DAGLB: variants seen among roughly 807,000 people sequenced by gnomAD.
DAGLB encodes diacylglycerol lipase-beta.
In DAGLB, 66 loss-of-function variants were observed where a neutral mutation model predicts 72.1. The ratio of observed to expected loss-of-function variants is 0.92; its 90% CI spans 0.75 to 1.12. DAGLB has a LOEUF of 1.12. DAGLB is among the 50% of genes most tolerant of loss of function. The pLI is 0.00. For missense variants in DAGLB, 1,065 were observed against 884.9 expected (o/e 1.20, Z -2.58); for synonymous variants, 414 against 359.5 (o/e 1.15, Z -1.71).
At position 6,446,072 on chromosome 7, in the gene DAGLB, T is replaced by C. The variant is rs770534367; in HGVS notation, c.128A>G (p.His43Arg). ...ACCAGCACAGTCCAGCTTTCCTCTG[T>C]GCATGAGATACAACGTCAGAATGCC... Reference protein sequence around the residue: ...WIGILTLYLMHRGKLDCAGGA... With the variant: ...WIGILTLYLMRRGKLDCAGGA... The change falls in exon 2 of 15, where the codon CAC (histidine) becomes CGC (arginine). Residue 43 changes from histidine (H) to arginine (R), a missense_variant. His to Arg is a conservative substitution (Grantham distance 29). Transcript: ENST00000297056. 6.2e-7 allele frequency: 1 copy of C among 1,602,008 alleles called. No individual in the cohort carries two copies.
chr7:6,410,796 C>G (rs1010501461), intron 13 of DAGLB, among the ~76,000 whole-genome samples: 16 of 152,290 alleles, frequency 1.1e-4, no homozygotes, highest in African/African-American at 3.8e-4. Context: ...AATCTGCCTC[C>G]CGAATTCAAG....
At chr7:6,412,389 C>CTGTT in intron 13 of DAGLB, among the ~76,000 whole-genome samples, 1 of 152,266 alleles carries the variant, frequency 6.6e-6, no homozygotes. Context: ...CATTAACAAA[C>CTGTT]TGTTAGTCAC....
chr7:6,411,346 C>T (rs1014201398), intron 13 of DAGLB, among the ~76,000 whole-genome samples: 4 of 152,076 alleles, frequency 2.6e-5, no homozygotes, highest in African/African-American at 9.7e-5. Flanking sequence ...AGGCTGGGCA[C>T]AGCAGTGGCT....
chr7:6,433,843 C>A (rs1248772139), intron 4 of DAGLB, among the ~76,000 whole-genome samples: 1 of 123,254 alleles, frequency 8.1e-6, no homozygotes. Context: ...CAAAACGAGA[C>A]CTTGTCTCAA....
At chr7:6,433,523 C>T (rs1449647891) in intron 4 of DAGLB, among the ~76,000 whole-genome samples, 2 of 152,124 alleles carry the variant, frequency 1.3e-5, no homozygotes, top group East Asian at 1.9e-4. Context: ...CAATCACCTC[C>T]GGGTACTTGT....
Position 6,436,393 on chromosome 7 carries a change from C to T in DAGLB, c.388G>A (p.Val130Ile). Reference sequence around the variant, plus strand: ...ACGACGGTTGCGATGATGCCGTTTACAACTGTCCTGTCGCACTGAACACCA... The same window carrying T: ...ACGACGGTTGCGATGATGCCGTTTATAACTGTCCTGTCGCACTGAACACCA... ...ADGVQCDRTVVNGIIATVVVS... is the reference protein window; with the variant it reads ...ADGVQCDRTVINGIIATVVVS... The change falls in exon 3 of 15, where the codon GTA (valine) becomes ATA (isoleucine). Residue 130 changes from valine to isoleucine, a missense_variant. By Grantham distance (29) the Val-to-Ile change is conservative. Coordinates refer to ENST00000297056, the MANE Select transcript of DAGLB (RefSeq NM_139179.4). The T allele has an allele frequency of 1.2e-6, 2 of 1,613,352 alleles. No individual in the cohort carries two copies. The highest frequency in any genetic ancestry group is 1.7e-5 in the Admixed American group (1 of 59,584).
intron 7 of DAGLB, among the ~76,000 whole-genome samples, chr7:6,425,036 A>G (rs913071344): frequency 6.6e-6 from 1 of 152,202 alleles, no homozygotes; most frequent in African/African-American, 2.4e-5. Context: ...GCTGCTCTAC[A>G]TGAAAAAGGA....
chr7:6,436,089 GAAA>G (rs59029211), intron 3 of DAGLB, among the ~76,000 whole-genome samples: 33 of 109,616 alleles, frequency 3.0e-4, no homozygotes, highest in African/African-American at 1.0e-3. Context: ...AAGAAAAAAA[GAAA>G]AAAAAAAAAG....
chr7:6,409,897 G>A lies in DAGLB; in HGVS notation c.1959C>T (p.Ser653=), dbSNP rs773617603. The A allele has an allele frequency of 1.4e-5, 23 of 1,613,948 alleles. No homozygotes were observed. The highest frequency in any genetic ancestry group is 2.2e-5 in the East Asian group (1 of 44,890). ...ILMRALDSVV[S]DRAACVSCPA... ...GACAGGAGACGCAGGCCGCTCTGTC[G>A]GAGACCACGCTGTCCAAGGCCCGCA... is the stretch of plus-strand genomic sequence containing the variant. The change falls in exon 15 of 15, where the codon TCC becomes TCT. Residue 653 remains serine (S), a synonymous_variant. Transcript: ENST00000297056.
rs200117635 is a variant in DAGLB, at chr7:6,436,461, G to A, written c.320C>T (p.Pro107Leu). Residue 107 changes from proline (P) to leucine (L), a missense_variant, in exon 3 of 15, where the codon CCA (proline) becomes CTA (leucine). By Grantham distance (98) the Pro-to-Leu change is moderately conservative. Transcript: ENST00000297056. Reference sequence around the variant, plus strand: ...CCCCAGAGAGGCCCAGACCATCTCTGGAAAAAACAGCGCCAGGCGGATGTA... The same window carrying A: ...CCCCAGAGAGGCCCAGACCATCTCTAGAAAAAACAGCGCCAGGCGGATGTA... ...LLYIRLALFFPEMVWASLGAA... is the reference protein window; with the variant it reads ...LLYIRLALFFLEMVWASLGAA... 2.9e-5 allele frequency: 47 copies of A among 1,613,950 alleles called. No homozygotes were observed. Among genetic ancestry groups the A allele is most frequent in the Non-Finnish European group, 3.7e-5 (44 of 1,179,982 alleles).
chr7:6,428,229 C>G (rs1177291251), intron 6 of DAGLB, among the ~76,000 whole-genome samples: 1 of 148,242 alleles, frequency 6.7e-6, no homozygotes, highest in Non-Finnish European at 1.5e-5. Flanking sequence ...GCCTGTAATC[C>G]CAGCTACTCG....
At chr7:6,435,785 G>A (rs1449421632) in intron 3 of DAGLB, among the ~76,000 whole-genome samples, 3 of 152,182 alleles carry the variant, frequency 2.0e-5, no homozygotes, top group Non-Finnish European at 4.4e-5. Context: ...ACCGGGAAAT[G>A]CCCCTCCCGA....
At chr7:6,428,315 C>CAAAAAAAAAAAAA (rs749361631) in intron 6 of DAGLB, among the ~76,000 whole-genome samples, 1 of 76,982 alleles carries the variant, frequency 1.3e-5, no homozygotes, top group Non-Finnish European at 2.6e-5. Context: ...GACTCTGTCT[C>CAAAAAAAAAAAAA]AAAAAAAAAA....
At chr7:6,424,613 G>C in intron 8 of DAGLB, 139 bp downstream of exon 8, 1 of 767,036 alleles carries the variant, frequency 1.3e-6, no homozygotes. Context: ...CCCAACCCCA[G>C]GCTCACATCC....
chr7:6,440,283 C>A lies in DAGLB; in HGVS notation c.248-3750G>T, dbSNP rs545839596. On this transcript the variant is annotated intron_variant, in intron 2 of 14. Coordinates refer to ENST00000297056, the MANE Select transcript of DAGLB (RefSeq NM_139179.4). ...CCTGTAATCCCAGCTACTTGGGAGGCTGAGGCAGGAGAATCACTTGAACCC... is the reference window on the plus strand; with the variant it reads ...CCTGTAATCCCAGCTACTTGGGAGGATGAGGCAGGAGAATCACTTGAACCC... Among the ~76,000 whole-genome samples the A allele has an allele frequency of 2.6e-5, 4 of 151,850 alleles. No individual in the cohort carries two copies. The South Asian group carries it at 6.2e-4, about 24-fold the overall frequency.
At chr7:6,418,728 G>C (rs188328442) in intron 9 of DAGLB, among the ~76,000 whole-genome samples, 3 of 151,436 alleles carry the variant, frequency 2.0e-5, no homozygotes, top group African/African-American at 7.3e-5. Context: ...TCAGTGGCTC[G>C]ATCTCGGCTC....
In DAGLB at chr7:6,445,952, C is replaced by T. The variant is rs1286760821; in HGVS notation, c.247+1G>A. On this transcript the variant is annotated splice_donor_variant, in intron 2 of 14. Transcript: ENST00000297056. LOFTEE classifies it high-confidence loss of function. ...ATCAAATAGAAAAGGCTACTTTTTA[C>T]CTCTCATGCTGACACACATGATGGC... 5.1e-6 allele frequency: 8 copies of T among 1,582,762 alleles called. No individual in the cohort carries two copies. The highest frequency in any genetic ancestry group is 6.0e-6 in the Non-Finnish European group (7 of 1,168,024).
chr7:6,409,616 G>T lies in DAGLB; in HGVS notation c.*221C>A. 1.7e-6 allele frequency: 1 copy of T among 601,486 alleles called. No individual in the cohort carries two copies. Among genetic ancestry groups the T allele is most frequent in the South Asian group, 2.0e-5 (1 of 49,470 alleles). The allele number at this position is 601,486 out of a possible 1,614,324, so 37.3% of individuals were successfully genotyped here. On this transcript the variant is annotated 3_prime_UTR_variant, in exon 15 of 15. Coordinates refer to ENST00000297056, the MANE Select transcript of DAGLB (RefSeq NM_139179.4). ...TCTCCACGGTCGCTGGGTCTCAGGAGTCGTCCTATCACCTGAGCGTGCTCA... is the reference window on the plus strand; with the variant it reads ...TCTCCACGGTCGCTGGGTCTCAGGATTCGTCCTATCACCTGAGCGTGCTCA...
rs1330134742 is a variant in DAGLB at position 6,446,033 on chromosome 7, C to T, written c.167G>A (p.Ser56Asn). Residue 56 changes from serine to asparagine, a missense_variant, in exon 2 of 15, where the codon AGC becomes AAC. By Grantham distance (46) the Ser-to-Asn change is conservative. Transcript: ENST00000297056. ...AATCATGAGGACGATCAAGTAACTG[C>T]TGAGCAAGGCTCCACCAGCACAGTC... is the stretch of plus-strand genomic sequence containing the variant. Reference protein sequence around the residue: ...KLDCAGGALLSSYLIVLMILL... With the variant: ...KLDCAGGALLNSYLIVLMILL... 1.9e-6 allele frequency: 3 copies of T among 1,613,552 alleles called. No homozygotes were observed. Among genetic ancestry groups the T allele is most frequent in the South Asian group, 1.1e-5 (1 of 91,068 alleles).
Sources: gnomAD v4.1 joint callset for allele counts (sites outside exome capture counted in the v4.1 genomes callset) on GRCh38, gnomAD v4.1.1 for gene constraint, MANE v1.5 for transcripts, NCBI Gene and HGNC (gene_info 2026-07-23, HGNC 2026-07-21) for gene names.